The following DCC variants were observed in gnomAD, a reference collection of about 807,000 sequenced individuals.
The protein encoded by DCC is DCC netrin 1 receptor, also known as netrin receptor DCC.
Under a neutral mutation model 172.5 loss-of-function variants are expected in DCC, and 58 were observed. That is an observed-to-expected ratio of 0.34 (90% CI 0.27 to 0.42). The LOEUF is 0.42. Among genes scored for constraint, DCC ranks in the 10% least tolerant of loss-of-function variants. The pLI is 1.00. For missense variants in DCC, 1,740 were observed against 1,791.0 expected, an observed-to-expected ratio of 0.97 and a Z score of 0.51; for synonymous variants, 709 against 644.5, an observed-to-expected ratio of 1.10 and a Z score of -1.52.
chr18:52,573,785 G>A (rs963246827), intron 1 of DCC, among the ~76,000 whole-genome samples: 1 of 152,180 alleles, frequency 6.6e-6, no homozygotes, highest in Non-Finnish European at 1.5e-5. Flanking sequence ...TTAAGTAACT[G>A]TATTAAGTGA....
intron 1 of DCC, among the ~76,000 whole-genome samples, chr18:52,488,557 G>T (rs942909022): frequency 6.6e-6 from 1 of 152,070 alleles, no homozygotes; most frequent in Non-Finnish European, 1.5e-5. Flanking sequence ...AGATCTGACC[G>T]CTGCTTTGTC....
intron 27 of DCC, among the ~76,000 whole-genome samples, chr18:53,500,716 A>AG (rs199825796): frequency 6.6e-6 from 1 of 151,958 alleles, no homozygotes; most frequent in East Asian, 1.9e-4. Context: ...TGGAGCATGA[A>AG]AGCATGTAGG....
At chr18:52,604,536 C>T (rs2034091755) in intron 1 of DCC, among the ~76,000 whole-genome samples, 1 of 152,104 alleles carries the variant, frequency 6.6e-6, no homozygotes, top group African/African-American at 2.4e-5. Context: ...GTAGAAAGAA[C>T]AGAGAAGGGA....
chr18:52,377,152 T>C (rs115436790), intron 1 of DCC, among the ~76,000 whole-genome samples: 121 of 152,342 alleles, frequency 7.9e-4, no homozygotes, highest in African/African-American at 2.7e-3. Context: ...TTCAGCTTTT[T>C]TTCTTCTCTA....
intron 15 of DCC, among the ~76,000 whole-genome samples, chr18:53,378,023 G>A (rs114363453): frequency 0.043 from 6,514 of 152,014 alleles, 453 homozygotes; most frequent in African/African-American, 0.14. Context: ...GTGCAGTGGC[G>A]CAATCTCAGC....
At chr18:52,496,943 C>T (rs999889006) in intron 1 of DCC, among the ~76,000 whole-genome samples, 3 of 151,600 alleles carry the variant, frequency 2.0e-5, no homozygotes, top group African/African-American at 7.3e-5. Flanking sequence ...GAGAAAAGAG[C>T]CACTTTACAT....
At chr18:52,526,503 G>A (rs981344600) in intron 1 of DCC, among the ~76,000 whole-genome samples, 2 of 151,664 alleles carry the variant, frequency 1.3e-5, no homozygotes, top group African/African-American at 4.8e-5. Flanking sequence ...CACGAAATGG[G>A]CACTGATCTA....
intron 22 of DCC, among the ~76,000 whole-genome samples, chr18:53,445,695 A>G (rs1912553035): frequency 6.6e-6 from 1 of 152,202 alleles, no homozygotes; most frequent in African/African-American, 2.4e-5. Context: ...TTTAATATTT[A>G]ATAAGTCTTT....
chr18:53,063,528 A>G, intron 6 of DCC, 69 bp downstream of exon 6: 1 of 1,256,258 alleles, frequency 8.0e-7, no homozygotes, highest in Non-Finnish European at 1.1e-6. Flanking sequence ...ACTTGTTTTT[A>G]TTTCTTGAAA....
intron 2 of DCC, among the ~76,000 whole-genome samples, chr18:52,864,721 C>T (rs6417119): frequency 0.11 from 16,468 of 149,318 alleles, 1,269 homozygotes; most frequent in African/African-American, 0.23. Flanking sequence ...GTGTGTTGTT[C>T]CCCTCCGTGT....
intron 15 of DCC, among the ~76,000 whole-genome samples, chr18:53,366,275 T>C (rs896338356): frequency 2.4e-4 from 37 of 152,168 alleles, no homozygotes; most frequent in African/African-American, 7.7e-4. Flanking sequence ...CTAGAACCCC[T>C]GACCTCAGGT....
At chr18:52,814,327 C>T (rs1257529151) in intron 2 of DCC, among the ~76,000 whole-genome samples, 3 of 152,190 alleles carry the variant, frequency 2.0e-5, no homozygotes, top group Non-Finnish European at 4.4e-5. Flanking sequence ...AGCCTGACTC[C>T]TGGAGACCTT....
At chr18:53,020,941 T>C (rs192673279) in intron 5 of DCC, among the ~76,000 whole-genome samples, 2 of 152,296 alleles carry the variant, frequency 1.3e-5, no homozygotes, top group Admixed American at 1.3e-4. Flanking sequence ...TTCCAAGTTA[T>C]GAAACCTGGA....
At chr18:53,203,974 C>T (rs1026551550) in intron 9 of DCC, among the ~76,000 whole-genome samples, 1 of 152,136 alleles carries the variant, frequency 6.6e-6, no homozygotes, top group African/African-American at 2.4e-5. Flanking sequence ...TTTCTTAACA[C>T]ATTCTGTATC....
At chr18:53,491,280 A>T (rs1479660732) in intron 26 of DCC, among the ~76,000 whole-genome samples, 2 of 152,206 alleles carry the variant, frequency 1.3e-5, no homozygotes, top group African/African-American at 2.4e-5. Flanking sequence ...CATGTGAAAT[A>T]TGAAAGTTTT....
At chr18:52,536,461 C>G (rs2032292843) in intron 1 of DCC, among the ~76,000 whole-genome samples, 1 of 151,974 alleles carries the variant, frequency 6.6e-6, no homozygotes. Context: ...CTCACAGATC[C>G]AAAGAAAAAT....
intron 13 of DCC, among the ~76,000 whole-genome samples, chr18:53,315,186 T>A (rs2057329442): frequency 6.6e-6 from 1 of 152,204 alleles, no homozygotes; most frequent in Non-Finnish European, 1.5e-5. Flanking sequence ...ATTGTTCAAC[T>A]CCCACTTATG....
At chr18:53,338,013 T>G (rs2057611367) in intron 14 of DCC, among the ~76,000 whole-genome samples, 1 of 152,252 alleles carries the variant, frequency 6.6e-6, no homozygotes, top group Non-Finnish European at 1.5e-5. Context: ...TTTTGAGTAC[T>G]TATTAATTGC....
At chr18:53,306,657 G>T (rs1405505524) in intron 13 of DCC, among the ~76,000 whole-genome samples, 1 of 152,226 alleles carries the variant, frequency 6.6e-6, no homozygotes, top group Non-Finnish European at 1.5e-5. Flanking sequence ...GCAGTCCCCA[G>T]TGAAGCCAGA....
Sources: allele counts gnomAD v4.1 joint callset (sites outside exome capture counted in the v4.1 genomes callset), GRCh38; gene constraint gnomAD v4.1.1; transcripts MANE v1.5; gene names NCBI Gene and HGNC (gene_info 2026-07-23, HGNC 2026-07-21).